Variants in ATP8A2 observed in about 807,000 individuals in gnomAD.
The protein encoded by ATP8A2 is phospholipid-transporting ATPase IB.
A neutral mutation model predicts 165.6 loss-of-function variants in ATP8A2; 100 were observed. The observed-to-expected ratio is 0.60, with a 90% CI of 0.51 to 0.71. The LOEUF (loss-of-function observed/expected upper bound fraction) is 0.71. ATP8A2 is among the 30% of genes least tolerant of loss of function. ATP8A2 has a pLI of 0.00. For missense variants in ATP8A2, 1,227 were observed against 1,479.5 expected (o/e 0.83, Z 2.80); for synonymous variants, 543 against 548.8 (o/e 0.99, Z 0.15).
chr13:25,920,240 T>A (rs1237925898), intron 33 of ATP8A2, among the ~76,000 whole-genome samples: 1 of 152,222 alleles, frequency 6.6e-6, no homozygotes, highest in Non-Finnish European at 1.5e-5. Flanking sequence ...CCGTAGATAC[T>A]GGCTCATTCT....
At position 25,979,568 on chromosome 13, in the gene ATP8A2, A is replaced by G. The variant is rs535421787; in HGVS notation, c.3377+10889A>G. Among the ~76,000 whole-genome samples the G allele has an allele frequency of 3.9e-5, 6 of 152,360 alleles. No individual in the cohort carries two copies. In the South Asian group the frequency reaches 1.0e-3, roughly 26 times the overall value. On this transcript the variant is annotated intron_variant, in intron 35 of 36. Transcript: ENST00000381655. ...TAGGTGGTGGTAATTGGGACTTCAC[A>G]GTTACTAATGAGTAAACATGTTGGC...
chr13:25,927,256 A>G (rs1198619080), intron 33 of ATP8A2: 8 of 456,478 alleles, frequency 1.8e-5, no homozygotes, highest in Non-Finnish European at 3.5e-5. Context: ...CAGAAAGATT[A>G]AACGTCTGCA....
At chr13:25,969,951 C>T (rs1007262982) in intron 35 of ATP8A2, among the ~76,000 whole-genome samples, 1 of 152,014 alleles carries the variant, frequency 6.6e-6, no homozygotes, top group Non-Finnish European at 1.5e-5. Context: ...AGGCTCAGGA[C>T]CTGTTAGAGT....
chr13:25,738,349 C>G (rs143533600), intron 25 of ATP8A2, among the ~76,000 whole-genome samples: 5 of 101,734 alleles, frequency 4.9e-5, no homozygotes, highest in East Asian at 2.3e-4. Context: ...CTCCCCCCCC[C>G]CCACACACAC....
At position 25,953,796 on chromosome 13, in the gene ATP8A2, G is replaced by A. The variant is rs1191161859; in HGVS notation, c.3184-7779G>A. 1.3e-5 allele frequency among the ~76,000 whole-genome samples: 2 copies of A among 152,148 alleles called. No homozygotes were observed. The highest frequency in any genetic ancestry group is 1.5e-5 in the Non-Finnish European group (1 of 68,022). ...GCCGAGGGAAGCCGTGAGGGACTGT[G>A]CTGTAAGGAACCATGCATTCCGTCC... On this transcript the variant is annotated intron_variant, in intron 33 of 36. Coordinates refer to ENST00000381655, the MANE Select transcript of ATP8A2 (RefSeq NM_016529.6). The surrounding 1 kb of genome is among the most constrained non-coding windows in gnomAD (Gnocchi z 6.7).
intron 35 of ATP8A2, among the ~76,000 whole-genome samples, chr13:25,984,375 AG>A (rs758452373): frequency 2.0e-5 from 3 of 152,034 alleles, no homozygotes; most frequent in Non-Finnish European, 4.4e-5. Context: ...AGATGAAGGC[AG>A]GTGGATCGCT....
chr13:25,426,040 C>G (rs1049182780), intron 1 of ATP8A2, among the ~76,000 whole-genome samples: 5 of 152,142 alleles, frequency 3.3e-5, no homozygotes, highest in Non-Finnish European at 7.3e-5. Context: ...GAAGCAACAC[C>G]ATGAAGACTG....
intron 27 of ATP8A2, among the ~76,000 whole-genome samples, chr13:25,809,533 A>G (rs1039925510): frequency 1.3e-5 from 2 of 151,950 alleles, no homozygotes; most frequent in Non-Finnish European, 2.9e-5. Flanking sequence ...TTTTGGCACC[A>G]CGCTCATAAT....
Position 25,490,301 on chromosome 13 carries a change from G to C in ATP8A2, c.221+21180G>C, listed in dbSNP as rs150632511. ...AGGTGGGTGCTTCACTCTTCACAGG[G>C]CTAGCCCCGTATAGCTTTAATTCCC... is the stretch of plus-strand genomic sequence containing the variant. On this transcript the variant is annotated intron_variant, in intron 2 of 36. Coordinates refer to ENST00000381655, the MANE Select transcript of ATP8A2 (RefSeq NM_016529.6). Among the ~76,000 whole-genome samples the C allele has an allele frequency of 2.8e-3, 430 of 152,342 alleles. 4 individuals carry two copies. Among genetic ancestry groups the C allele is most frequent in the African/African-American group, 9.7e-3 (405 of 41,576 alleles).
intron 35 of ATP8A2, among the ~76,000 whole-genome samples, chr13:25,988,504 A>G (rs943281799): frequency 6.6e-5 from 10 of 151,744 alleles, no homozygotes; most frequent in South Asian, 6.2e-4. Context: ...CTTTTTTTCT[A>G]TGGCCTTTTC....
rs555064904 is a variant in ATP8A2, at chr13:25,473,673, A to G, written c.221+4552A>G. On this transcript the variant is annotated intron_variant, in intron 2 of 36. Coordinates refer to ENST00000381655, the MANE Select transcript of ATP8A2 (RefSeq NM_016529.6). The stretch of plus-strand genomic sequence containing the variant: ...TATTATACTCTAGCTATCATCTCCC[A>G]TCCCTTCCTCCCCCCACCCCTAAGG... Among the ~76,000 whole-genome samples, 654 of 152,114 alleles carry G rather than the reference A, an allele frequency of 4.3e-3. 3 individuals are homozygous for G. Among genetic ancestry groups the G allele is most frequent in the Admixed American group, 8.8e-3 (134 of 15,278 alleles).
intron 30 of ATP8A2, 120 bp from the exon 31 acceptor site, chr13:25,860,075 G>C: frequency 1.7e-6 from 1 of 585,736 alleles, no homozygotes; most frequent in East Asian, 2.8e-5. Context: ...CACAGGATGG[G>C]ATTTTGAAAT....
At chr13:25,851,582 C>CAAAA (rs200852097) in intron 30 of ATP8A2, among the ~76,000 whole-genome samples, 1,478 of 108,972 alleles carry the variant, frequency 0.014, 16 homozygotes, top group African/African-American at 0.045. Context: ...GACTCTGTCT[C>CAAAA]AAAAAAAAAA....
In ATP8A2 at chr13:25,828,167, G is replaced by T. The variant is rs748026425; in HGVS notation, c.2729G>T (p.Arg910Leu). 6.2e-7 allele frequency: 1 copy of T among 1,614,034 alleles called. No individual in the cohort carries two copies. Among genetic ancestry groups the T allele is most frequent in the South Asian group, 1.1e-5 (1 of 91,074 alleles). The change falls in exon 28 of 37, where the codon CGT becomes CTT. Residue 910 changes from arginine to leucine, a missense_variant. Transcript: ENST00000381655. ...NGFSGQILFE[R>L]WCIGLYNVIF... is the part of the protein sequence containing the mutation. ...TTTTCTGGGCAGATTTTATTTGAAC[G>T]TTGGTGCATCGGCCTGTACAATGTG...
In ATP8A2 at chr13:25,767,632, T is replaced by C. The variant is rs927459428; in HGVS notation, c.2385-1414T>C. 2.6e-5 allele frequency among the ~76,000 whole-genome samples: 4 copies of C among 152,344 alleles called. No individual in the cohort carries two copies. The South Asian group carries it at 6.2e-4, about 24-fold the overall frequency. On this transcript the variant is annotated intron_variant, in intron 25 of 36. Coordinates refer to ENST00000381655, the MANE Select transcript of ATP8A2 (RefSeq NM_016529.6). ...ATGCTCAGTAACAACAAAAAAGTAA[T>C]AATAATTTGCAGTGGTCGCACCTAC...
intron 33 of ATP8A2, among the ~76,000 whole-genome samples, chr13:25,864,421 C>T (rs1254660743): frequency 1.3e-5 from 2 of 152,148 alleles, no homozygotes; most frequent in Non-Finnish European, 2.9e-5. Context: ...GACTTTCCAA[C>T]TGCAGAAGGA....
rs781074925 is a variant in ATP8A2 at position 25,571,725 on chromosome 13, C to A, written c.1662+33C>A. 7.8e-6 allele frequency: 12 copies of A among 1,546,508 alleles called. 1 individual carries two copies. The South Asian group carries it at 1.3e-4, about 17-fold the overall frequency. ...ACATGCGTGTGCACATTTCAGATCA[C>A]CTGCTTTTGTGAAGATTGTGTGTGT... On this transcript the variant is annotated intron_variant, in intron 18 of 36. Transcript: ENST00000381655.
intron 1 of ATP8A2, among the ~76,000 whole-genome samples, chr13:25,466,072 C>A (rs2035660275): frequency 1.3e-5 from 2 of 152,076 alleles, no homozygotes; most frequent in African/African-American, 2.4e-5. Flanking sequence ...TGCTCTTCCC[C>A]CTTTGCCATC....
At chr13:25,387,105 G>A (rs1048480745) in intron 1 of ATP8A2, among the ~76,000 whole-genome samples, 1 of 152,160 alleles carries the variant, frequency 6.6e-6, no homozygotes, top group Non-Finnish European at 1.5e-5. Context: ...TAGAGAACTG[G>A]CTCATTCCGT....
Sources: allele counts gnomAD v4.1 joint callset (sites outside exome capture counted in the v4.1 genomes callset), GRCh38; gene constraint gnomAD v4.1.1; non-coding constraint Gnocchi (gnomAD v3.1); transcripts MANE v1.5; gene names NCBI Gene and HGNC (gene_info 2026-07-23, HGNC 2026-07-21).